Variants in LRRC37A2 observed in about 807,000 individuals in gnomAD.
LRRC37A2 encodes leucine rich repeat containing 37 member A2.
LRRC37A2 carries 9 observed loss-of-function variants against 68.8 expected under a neutral mutation model. That is an observed-to-expected ratio of 0.13 (90% CI 0.08 to 0.23). The LOEUF (loss-of-function observed/expected upper bound fraction) is 0.23, where lower values mean the gene tolerates loss of function less well. Ranked by LOEUF, LRRC37A2 falls within the 10% of genes least tolerant of loss-of-function variation. The pLI is 1.00. For missense variants in LRRC37A2, 168 were observed against 950.4 expected (o/e 0.18, Z 10.82); for synonymous variants, 63 against 367.6 (o/e 0.17, Z 9.48).
the LRRC37A2 span, among the ~76,000 whole-genome samples, chr17:46,986,780 T>A: frequency 6.6e-6 from 1 of 152,202 alleles, no homozygotes; most frequent in Non-Finnish European, 1.5e-5. Context: ...CCTTCTGTCC[T>A]GGACACAGTG....
At chr17:46,967,356 A>G in the LRRC37A2 span, among the ~76,000 whole-genome samples, 1 of 152,236 alleles carries the variant, frequency 6.6e-6, no homozygotes, top group Non-Finnish European at 1.5e-5. Context: ...GAGTTAATAC[A>G]TGAACAGAGG....
chr17:46,923,828 C>T, the LRRC37A2 span: 26 of 399,450 alleles, frequency 6.5e-5, no homozygotes, highest in Non-Finnish European at 1.1e-4. Context: ...GTCCTTTATT[C>T]GCATCGTCCT....
the LRRC37A2 span, chr17:46,756,329 C>T: frequency 2.6e-5 from 4 of 152,452 alleles, no homozygotes; most frequent in Non-Finnish European, 5.9e-5. Flanking sequence ...TTAAAGGTCT[C>T]CCACAAGACT....
the LRRC37A2 span, among the ~76,000 whole-genome samples, chr17:46,919,745 G>A: frequency 2.6e-5 from 4 of 152,102 alleles, no homozygotes; most frequent in East Asian, 3.9e-4. Flanking sequence ...TCGGGAGTTC[G>A]AGACCAGCCT....
At chr17:46,602,707 G>GA in the LRRC37A2 span, among the ~76,000 whole-genome samples, 1 of 143,940 alleles carries the variant, frequency 6.9e-6, no homozygotes, top group African/African-American at 2.7e-5. Flanking sequence ...CACTAATTCT[G>GA]AGTCTTCCAA....
the LRRC37A2 span, chr17:46,930,677 A>G: frequency 6.3e-6 from 1 of 158,288 alleles, no homozygotes; most frequent in Non-Finnish European, 1.4e-5. Flanking sequence ...TAAAAAAAAA[A>G]AAACTCATTA....
chr17:46,897,201 T>C, the LRRC37A2 span, among the ~76,000 whole-genome samples: 1 of 152,214 alleles, frequency 6.6e-6, no homozygotes, highest in African/African-American at 2.4e-5. Flanking sequence ...CTGCGGCCAA[T>C]GCCTACAGGC....
the LRRC37A2 span, among the ~76,000 whole-genome samples, chr17:47,022,166 C>CTTTTTTTTTTTTTTTTTTTTTTTT: frequency 1.6e-3 from 25 of 15,856 alleles, 5 homozygotes; most frequent in East Asian, 8.7e-3. Flanking sequence ...CCTTTTTGTT[C>CTTTTTTTTTTTTTTTTTTTTTTTT]TCTTTTTTTT....
the LRRC37A2 span, among the ~76,000 whole-genome samples, chr17:46,690,580 C>G: frequency 1.0e-5 from 1 of 99,438 alleles, no homozygotes. Flanking sequence ...CCACTGCACT[C>G]CAGCCTGGGC....
chr17:46,502,640 GCTGT>G, the LRRC37A2 span, among the ~76,000 whole-genome samples: 1 of 151,442 alleles, frequency 6.6e-6, no homozygotes, highest in Non-Finnish European at 1.5e-5. Flanking sequence ...ACACCTAGTT[GCTGT>G]CTTTTTTGCT....
chr17:46,823,272 T>C, the LRRC37A2 span, among the ~76,000 whole-genome samples: 1 of 146,784 alleles, frequency 6.8e-6, no homozygotes. Context: ...TGTAGTGCAA[T>C]GGCGCGGTCT....
chr17:46,722,215 A>T, the LRRC37A2 span: 1 of 1,480,986 alleles, frequency 6.8e-7, no homozygotes, highest in South Asian at 1.1e-5. Context: ...AAGAGACCCA[A>T]ATCTCGCGAG....
At chr17:46,811,546 C>G in the LRRC37A2 span, among the ~76,000 whole-genome samples, 1 of 152,172 alleles carries the variant, frequency 6.6e-6, no homozygotes, top group Non-Finnish European at 1.5e-5. Context: ...TCTCCAGCCC[C>G]CATGGCCCAC....
the LRRC37A2 span, among the ~76,000 whole-genome samples, chr17:46,836,232 C>T: frequency 6.6e-6 from 1 of 151,720 alleles, no homozygotes; most frequent in Admixed American, 6.6e-5. Context: ...AAGGAAGCAG[C>T]CAAAAGAGTG....
the LRRC37A2 span, among the ~76,000 whole-genome samples, chr17:47,016,110 A>G: frequency 1.3e-5 from 2 of 151,952 alleles, no homozygotes; most frequent in African/African-American, 4.8e-5. Context: ...ACACATGGCT[A>G]ATTTTTGTAT....
chr17:46,497,388 G>T, the LRRC37A2 span, among the ~76,000 whole-genome samples: 2 of 148,038 alleles, frequency 1.4e-5, no homozygotes, highest in East Asian at 3.9e-4. Flanking sequence ...TCTTTTTTCT[G>T]CCTATTTTTG....
the LRRC37A2 span, among the ~76,000 whole-genome samples, chr17:47,003,352 C>T: frequency 3.3e-5 from 5 of 151,986 alleles, no homozygotes; most frequent in South Asian, 2.1e-4. Flanking sequence ...GTACTAGCTG[C>T]GAGTACAGCC....
chr17:46,940,417 C>T, the LRRC37A2 span: 2 of 1,592,360 alleles, frequency 1.3e-6, no homozygotes, highest in Non-Finnish European at 1.7e-6. Context: ...AGACCTAGAT[C>T]TGTCTAACTC....
chr17:47,003,895 G>A, the LRRC37A2 span, among the ~76,000 whole-genome samples: 3 of 152,084 alleles, frequency 2.0e-5, no homozygotes, highest in South Asian at 2.1e-4. Flanking sequence ...AACAGGCCCC[G>A]GTGTGTGATA....
Sources: allele counts gnomAD v4.1 joint callset (sites outside exome capture counted in the v4.1 genomes callset), GRCh38; gene constraint gnomAD v4.1.1; transcripts MANE v1.5; gene names NCBI Gene and HGNC (gene_info 2026-07-23, HGNC 2026-07-21).